GAS7: variants seen among roughly 807,000 people sequenced by gnomAD.
GAS7 encodes growth arrest specific 7.
In GAS7, 28 loss-of-function variants were observed where a neutral mutation model predicts 71.1. That is an observed-to-expected ratio of 0.39 (90% CI 0.29 to 0.54). GAS7 has a LOEUF of 0.54. GAS7 is among the 20% of genes least tolerant of loss of function. GAS7 has a pLI of 0.62. For missense variants in GAS7, 436 were observed against 627.8 expected (o/e 0.69, Z 3.27); for synonymous variants, 258 against 245.8 (o/e 1.05, Z -0.46).
In GAS7 at chr17:9,993,393, T is replaced by C. The variant is rs557225849; in HGVS notation, c.305-11509A>G. 4.8e-4 allele frequency among the ~76,000 whole-genome samples: 73 copies of C among 152,372 alleles called. 1 individual carries two copies. The South Asian group carries it at 0.014, about 30-fold the overall frequency. On this transcript the variant is annotated intron_variant, in intron 2 of 13. Coordinates refer to ENST00000432992, the MANE Select transcript of GAS7 (RefSeq NM_201433.2). ...TTTTTTCATGTGTTTTTTGGCTGCA[T>C]AAATGTCTTCTTTTGAGAAGTGTCT... is the stretch of plus-strand genomic sequence containing the variant.
At chr17:9,963,144 T>C (rs4791920) in intron 4 of GAS7, among the ~76,000 whole-genome samples, 1 of 151,886 alleles carries the variant, frequency 6.6e-6, no homozygotes, top group Non-Finnish European at 1.5e-5. Flanking sequence ...AATATTCTTC[T>C]GTCATAAAAA....
chr17:9,967,942 T>C (rs1393257830), intron 4 of GAS7, among the ~76,000 whole-genome samples: 1 of 152,238 alleles, frequency 6.6e-6, no homozygotes, highest in Non-Finnish European at 1.5e-5. Flanking sequence ...GTCCATTCTT[T>C]AAAATAGATG....
At chr17:10,165,244 A>G (rs1360210577) in intron 1 of GAS7, among the ~76,000 whole-genome samples, 1 of 149,802 alleles carries the variant, frequency 6.7e-6, no homozygotes, top group African/African-American at 2.5e-5. Context: ...GTGAGCAGAA[A>G]TCACACCACT....
chr17:10,064,508 C>T (rs1270542364), intron 1 of GAS7, among the ~76,000 whole-genome samples: 4 of 152,228 alleles, frequency 2.6e-5, no homozygotes, highest in African/African-American at 9.6e-5. Context: ...AGCACGTGCC[C>T]TCTCCCCAAC....
chr17:10,121,017 G>C (rs1001204161), intron 1 of GAS7, among the ~76,000 whole-genome samples: 1 of 152,258 alleles, frequency 6.6e-6, no homozygotes, highest in Non-Finnish European at 1.5e-5. Context: ...GAGCTGCAAC[G>C]GTCCTCCATC....
chr17:10,085,527 C>T (rs547135165), intron 1 of GAS7, among the ~76,000 whole-genome samples: 65 of 151,514 alleles, frequency 4.3e-4, no homozygotes, highest in Non-Finnish European at 7.4e-4. Context: ...ACTAAAAATA[C>T]CAAAAAAAAT....
At chr17:10,054,274 G>A (rs546889297) in intron 1 of GAS7, among the ~76,000 whole-genome samples, 120 of 151,954 alleles carry the variant, frequency 7.9e-4, no homozygotes, top group Non-Finnish European at 1.0e-3. Flanking sequence ...CAAATGAAAT[G>A]AATAATGGCA....
At chr17:10,077,736 T>C (rs1664066661) in intron 1 of GAS7, among the ~76,000 whole-genome samples, 1 of 152,160 alleles carries the variant, frequency 6.6e-6, no homozygotes, top group African/African-American at 2.4e-5. Context: ...AGGCAACTTG[T>C]TTACATACTG....
intron 1 of GAS7, among the ~76,000 whole-genome samples, chr17:10,092,738 T>C (rs541485402): frequency 1.3e-5 from 2 of 152,294 alleles, no homozygotes; most frequent in East Asian, 1.9e-4. Flanking sequence ...CCTTGGAGGC[T>C]CTAGGGGAAA....
rs1324529772 is a variant in GAS7 at position 9,974,168 on chromosome 17, C to T, written c.386-4406G>A. ...ATTACTGCTCATGTCAAAACAATTA[C>T]GAGGAAAGAAAACACAGTTTTCCAT... is the stretch of plus-strand genomic sequence containing the variant. On this transcript the variant is annotated intron_variant, in intron 3 of 13. Transcript: ENST00000432992. The surrounding 1 kb of genome is among the most constrained non-coding windows in gnomAD (Gnocchi z 4.0). Among the ~76,000 whole-genome samples, 1 of 152,176 alleles carries T rather than the reference C, an allele frequency of 6.6e-6. No individual in the cohort carries two copies.
chr17:10,150,990 G>A (rs1027847691), intron 1 of GAS7, among the ~76,000 whole-genome samples: 2 of 152,022 alleles, frequency 1.3e-5, no homozygotes, highest in African/African-American at 2.4e-5. Flanking sequence ...TGTAAAATGG[G>A]GACAATAGTA....
At chr17:10,084,179 AATAAAT>A (rs1182155996) in intron 1 of GAS7, among the ~76,000 whole-genome samples, 2 of 152,152 alleles carry the variant, frequency 1.3e-5, no homozygotes, top group Non-Finnish European at 2.9e-5. Flanking sequence ...AAAAAATAAA[AATAAAT>A]ATAAACAGAC....
intron 1 of GAS7, among the ~76,000 whole-genome samples, chr17:10,141,988 G>GT (rs1184150752): frequency 1.3e-5 from 2 of 150,446 alleles, no homozygotes; most frequent in South Asian, 2.2e-4. Context: ...CAGCACTTTG[G>GT]GGGGCCGAGG....
chr17:9,966,314 T>C (rs1273795152), intron 4 of GAS7, among the ~76,000 whole-genome samples: 1 of 151,970 alleles, frequency 6.6e-6, no homozygotes, highest in Non-Finnish European at 1.5e-5. Context: ...CCCAAAATTC[T>C]AATCTTCCTG....
At chr17:10,005,272 T>C (rs1181943080) in intron 2 of GAS7, among the ~76,000 whole-genome samples, 5 of 151,820 alleles carry the variant, frequency 3.3e-5, no homozygotes, top group African/African-American at 1.2e-4. Context: ...TACATGTATG[T>C]ATATGTATAT....
Position 9,915,023 on chromosome 17 carries a change from C to G in GAS7, c.*2205G>C. The G allele has an allele frequency of 4.3e-6, 1 of 231,900 alleles. No homozygotes were observed. The allele number at this position is 231,900 out of a possible 1,614,324, so 14.4% of individuals were successfully genotyped here. A position where few individuals can be genotyped will look rare whatever the true frequency, so the allele number is the denominator to read the frequency against. ...TTAGATCTTAGCACAATGGCTTTAA[C>G]CTGCTTGATGAATGAATAACAGAGG... On this transcript the variant is annotated 3_prime_UTR_variant, in exon 14 of 14. Coordinates refer to ENST00000432992, the MANE Select transcript of GAS7 (RefSeq NM_201433.2).
intron 2 of GAS7, among the ~76,000 whole-genome samples, chr17:10,005,164 C>CAT (rs1567880102): frequency 2.0e-5 from 2 of 99,022 alleles, no homozygotes; most frequent in African/African-American, 5.2e-5. Context: ...CATGTGTGTG[C>CAT]GCACGCATGC....
intron 1 of GAS7, among the ~76,000 whole-genome samples, chr17:10,184,459 G>C (rs934685386): frequency 2.0e-5 from 3 of 152,186 alleles, no homozygotes; most frequent in Non-Finnish European, 4.4e-5. Context: ...CTTTTAAAGA[G>C]AAAGAATGAA....
chr17:9,960,413 CT>C (rs2069436407), intron 4 of GAS7, among the ~76,000 whole-genome samples: 1 of 152,102 alleles, frequency 6.6e-6, no homozygotes, highest in Admixed American at 6.5e-5. Flanking sequence ...TGGTCTCGAA[CT>C]TTTGACCTCA....
Sources: gnomAD v4.1 joint callset for allele counts (sites outside exome capture counted in the v4.1 genomes callset) on GRCh38, gnomAD v4.1.1 for gene constraint, Gnocchi (gnomAD v3.1) non-coding constraint, MANE v1.5 for transcripts, NCBI Gene and HGNC (gene_info 2026-07-23, HGNC 2026-07-21) for gene names.